SEC14L2: variants seen among roughly 807,000 people sequenced by gnomAD.
SEC14L2 encodes SEC14-like protein 2.
SEC14L2 carries 50 observed loss-of-function variants against 56.9 expected under a neutral mutation model. The observed-to-expected ratio is 0.88, with a 90% CI of 0.70 to 1.11. SEC14L2 has a LOEUF of 1.11. Ranked by LOEUF, SEC14L2 falls within the 50% of genes most tolerant of loss-of-function variation. SEC14L2 has a pLI of 0.00. For synonymous variants in SEC14L2, 179 were observed against 188.5 expected (o/e 0.95, Z 0.41); for missense variants, 414 against 500.7 (o/e 0.83, Z 1.65).
chr22:30,409,091 C>T (rs929713390), intron 5 of SEC14L2, 96 bp from the exon 6 acceptor site: 1 of 1,085,988 alleles, frequency 9.2e-7, no homozygotes, highest in Non-Finnish European at 1.4e-6. Context: ...GCTCTGATTG[C>T]TCTCTGGATG....
chr22:30,397,226 G>A, intron 1 of SEC14L2, 56 bp downstream of exon 1: 2 of 1,422,700 alleles, frequency 1.4e-6, no homozygotes, highest in Non-Finnish European at 9.4e-7. Context: ...TCGCCCTCCT[G>A]CGGCAGCGAG....
chr22:30,401,680 A>ATTTT (rs61523027), intron 2 of SEC14L2, among the ~76,000 whole-genome samples: 4,959 of 139,852 alleles, frequency 0.035, 289 homozygotes, highest in African/African-American at 0.12. Context: ...CGCCCGGCTA[A>ATTTT]TTTTTTTTTT....
intron 1 of SEC14L2, among the ~76,000 whole-genome samples, chr22:30,398,416 C>A (rs1283571101): frequency 6.6e-6 from 1 of 152,096 alleles, no homozygotes; most frequent in Non-Finnish European, 1.5e-5. Flanking sequence ...CATTAGTGTC[C>A]TCTGGGACTG....
At chr22:30,403,665 A>G (rs992564574) in intron 2 of SEC14L2, among the ~76,000 whole-genome samples, 5 of 152,148 alleles carry the variant, frequency 3.3e-5, no homozygotes, top group Admixed American at 3.3e-4. Flanking sequence ...GAGCCTCCCC[A>G]AGATAAGGGG....
chr22:30,407,074 T>C, intron 3 of SEC14L2, 21 bp from the exon 4 acceptor site: 1 of 1,613,042 alleles, frequency 6.2e-7, no homozygotes, highest in Non-Finnish European at 8.5e-7. Flanking sequence ...TTTTAAAAAT[T>C]TCCCCATTGT....
At chr22:30,421,170 CA>C in intron 11 of SEC14L2, 2 of 146,534 alleles carry the variant, frequency 1.4e-5, no homozygotes, top group African/African-American at 5.1e-5. Context: ...CACAAACACA[CA>C]CACACACACA....
At chr22:30,407,699 G>A (rs942301595) in intron 5 of SEC14L2, 96 bp downstream of exon 5, 16 of 1,120,640 alleles carry the variant, frequency 1.4e-5, no homozygotes, top group Non-Finnish European at 1.8e-5. Flanking sequence ...ACAGCTTCAG[G>A]GCCAAGGCCC....
intron 3 of SEC14L2, 36 bp from the exon 4 acceptor site, chr22:30,407,059 C>T: frequency 6.2e-7 from 1 of 1,608,102 alleles, no homozygotes; most frequent in Non-Finnish European, 8.5e-7. Context: ...GCTGTCCATC[C>T]CTCCTTTTAA....
Position 30,424,692 on chromosome 22 carries a change from G to T in SEC14L2, c.*2285G>T. The T allele has an allele frequency of 2.2e-6, 1 of 456,520 alleles. No homozygotes were observed. 28.3% of individuals were successfully genotyped at this position (456,520 alleles called of 1,614,324 possible). The stretch of plus-strand genomic sequence containing the variant: ...AGACGTGGGAACTGGGGCTCAGGGA[G>T]GCTAACAGCCAGTAGGCGGCACAGC... On this transcript the variant is annotated 3_prime_UTR_variant, in exon 12 of 12. Transcript: ENST00000615189.
intron 8 of SEC14L2, among the ~76,000 whole-genome samples, chr22:30,412,134 G>T (rs1353176956): frequency 6.6e-6 from 1 of 152,188 alleles, no homozygotes; most frequent in Non-Finnish European, 1.5e-5. Flanking sequence ...GAAAAGCTGG[G>T]ATATGACTCT....
chr22:30,399,671 C>T lies in SEC14L2; in HGVS notation c.83C>T (p.Pro28Leu), dbSNP rs746270735. ...CGGGAGAATGTCCAGGATGTGCTGC[C>T]GGCCCTGCCGAATCCAGATGACTAT... Reference protein sequence around the residue: ...KFRENVQDVLPALPNPDDYFL... With the variant: ...KFRENVQDVLLALPNPDDYFL... Residue 28 changes from proline to leucine, a missense_variant, in exon 2 of 12, where the codon CCG (proline) becomes CTG (leucine). By Grantham distance (98) the Pro-to-Leu change is moderately conservative. Coordinates refer to ENST00000615189, the MANE Select transcript of SEC14L2 (RefSeq NM_012429.5). The T allele has an allele frequency of 1.4e-5, 23 of 1,613,800 alleles. No individual in the cohort carries two copies. Among genetic ancestry groups the T allele is most frequent in the Admixed American group, 3.3e-5 (2 of 59,986 alleles).
At chr22:30,421,687 G>A (rs1240168181) in intron 11 of SEC14L2, 1 of 152,220 alleles carries the variant, frequency 6.6e-6, no homozygotes, top group Non-Finnish European at 1.5e-5. Flanking sequence ...AAGAGGGCCA[G>A]GTTTTCCAGG....
intron 8 of SEC14L2, 121 bp from the exon 9 acceptor site, chr22:30,415,638 G>A (rs1934366422): frequency 1.3e-6 from 1 of 746,280 alleles, no homozygotes; most frequent in African/African-American, 1.7e-5. Context: ...ATTTGAGGCG[G>A]GGTGTTGTGG....
intron 8 of SEC14L2, among the ~76,000 whole-genome samples, chr22:30,415,520 G>A (rs1419339662): frequency 2.0e-5 from 3 of 152,116 alleles, no homozygotes; most frequent in African/African-American, 4.8e-5. Context: ...GTTCAGACAC[G>A]AGGGCAGGAA....
intron 10 of SEC14L2, 53 bp downstream of exon 10, chr22:30,416,140 T>C (rs1300375030): frequency 3.7e-6 from 6 of 1,610,964 alleles, no homozygotes; most frequent in African/African-American, 1.3e-5. Context: ...TAGGTCCTGA[T>C]AGGTGGGCTG....
rs373330932 is a variant in SEC14L2 at position 30,415,803 on chromosome 22, G to T, written c.709G>T (p.Val237Leu). The change falls in exon 9 of 12, where the codon GTG (valine) becomes TTG (leucine). Residue 237 changes from valine (V) to leucine (L), a missense_variant. Physicochemically the swap from Val to Leu is conservative, Grantham distance 32. Coordinates refer to ENST00000615189, the MANE Select transcript of SEC14L2 (RefSeq NM_012429.5). The stretch of plus-strand genomic sequence containing the variant: ...ACTGAAACATATCAGCCCTGACCAG[G>T]TGCCTGTGGAGTATGGGGGCACCAT... Reference protein sequence around the residue: ...VLLKHISPDQVPVEYGGTMTD... With the variant: ...VLLKHISPDQLPVEYGGTMTD... The T allele has an allele frequency of 6.2e-7, 1 of 1,614,144 alleles. No homozygotes were observed. The highest frequency in any genetic ancestry group is 1.7e-5 in the Admixed American group (1 of 60,014).
intron 3 of SEC14L2, 107 bp downstream of exon 3, chr22:30,406,492 T>C: frequency 8.8e-7 from 1 of 1,136,722 alleles, no homozygotes; most frequent in South Asian, 1.3e-5. Flanking sequence ...TGGCTTTGAG[T>C]ATTAGCCGAC....
At chr22:30,412,056 G>A (rs1934264447) in intron 8 of SEC14L2, among the ~76,000 whole-genome samples, 2 of 152,184 alleles carry the variant, frequency 1.3e-5, no homozygotes, top group Admixed American at 6.5e-5. Context: ...GTGAGGCAGG[G>A]TGTGGCAAGG....
In SEC14L2 at chr22:30,423,953, A is replaced by G. The variant is rs1448859732; in HGVS notation, c.*1546A>G. 1 of 152,276 alleles carries G rather than the reference A, an allele frequency of 6.6e-6. No homozygotes were observed. Among genetic ancestry groups the G allele is most frequent in the Admixed American group, 6.5e-5 (1 of 15,294 alleles). The allele number at this position is 152,276 out of a possible 1,614,324, so 9.4% of individuals were successfully genotyped here. On this transcript the variant is annotated 3_prime_UTR_variant, in exon 12 of 12. Transcript: ENST00000615189. ...CAGCAGCCGTTTCACGCCAATAGAT[A>G]GGGCGCATGCGCAGAAATCCTCCTC...
Sources: gnomAD v4.1 joint callset for allele counts (sites outside exome capture counted in the v4.1 genomes callset) on GRCh38, gnomAD v4.1.1 for gene constraint, MANE v1.5 for transcripts, NCBI Gene and HGNC (gene_info 2026-07-23, HGNC 2026-07-21) for gene names.